FAT3: variants seen among roughly 807,000 people sequenced by gnomAD.
FAT3 encodes the protein FAT atypical cadherin 3.
Under a neutral mutation model 310.2 loss-of-function variants are expected in FAT3, and 95 were observed. The observed-to-expected ratio is 0.31, with a 90% CI of 0.26 to 0.36. The LOEUF (loss-of-function observed/expected upper bound fraction) is 0.36, where lower values mean the gene tolerates loss of function less well. FAT3 is among the 10% of genes least tolerant of loss of function. The pLI is 1.00. For missense variants in FAT3, 5,408 were observed against 5,715.6 expected (o/e 0.95, Z 1.74); for synonymous variants, 2,314 against 2,192.9 (o/e 1.06, Z -1.54).
At chr11:92,820,690 C>A (rs542376195) in intron 13 of FAT3, among the ~76,000 whole-genome samples, 2 of 152,258 alleles carry the variant, frequency 1.3e-5, no homozygotes, top group Non-Finnish European at 2.9e-5. Flanking sequence ...TTGACTGCAA[C>A]CTCAAGAGAA....
chr11:92,738,783 A>T (rs1197210703), intron 4 of FAT3, among the ~76,000 whole-genome samples: 1 of 152,136 alleles, frequency 6.6e-6, no homozygotes, highest in Non-Finnish European at 1.5e-5. Context: ...GTCACCTATA[A>T]GCTGAGTGAC....
intron 3 of FAT3, among the ~76,000 whole-genome samples, chr11:92,543,079 A>G (rs1201386459): frequency 6.6e-6 from 1 of 152,172 alleles, no homozygotes; most frequent in Non-Finnish European, 1.5e-5. Context: ...CAGGAACAGA[A>G]AGACAAATAC....
intron 1 of FAT3, among the ~76,000 whole-genome samples, chr11:92,341,267 T>A (rs1311829766): frequency 2.0e-5 from 3 of 152,198 alleles, no homozygotes; most frequent in Non-Finnish European, 4.4e-5. Context: ...TGACTCAGGA[T>A]TCTGCAGCCT....
chr11:92,855,333 A>G (rs1948943914), intron 19 of FAT3, among the ~76,000 whole-genome samples: 2 of 152,184 alleles, frequency 1.3e-5, no homozygotes, highest in South Asian at 4.1e-4. Context: ...TTCCTTTGGG[A>G]AGACTTCTGA....
chr11:92,882,593 C>CCCA (rs1555169712), intron 23 of FAT3, 145 bp from the exon 24 acceptor site: 14 of 572,436 alleles, frequency 2.4e-5, no homozygotes, highest in African/African-American at 1.7e-4. Flanking sequence ...CCTCCCCCCC[C>CCCA]CCACCAACCA....
chr11:92,504,888 G>A (rs1201942392), intron 2 of FAT3, among the ~76,000 whole-genome samples: 3 of 151,998 alleles, frequency 2.0e-5, no homozygotes, highest in African/African-American at 7.2e-5. Context: ...CCAAAATAAG[G>A]GTAGGTTATA....
intron 3 of FAT3, among the ~76,000 whole-genome samples, chr11:92,530,662 G>C (rs1436921058): frequency 6.6e-6 from 1 of 151,978 alleles, no homozygotes; most frequent in African/African-American, 2.4e-5. Flanking sequence ...AGCAGAATTT[G>C]TTATTAAGTG....
chr11:92,296,538 T>G lies in FAT3; in HGVS notation c.-17-55558T>G, dbSNP rs187359275. Among the ~76,000 whole-genome samples, 13 of 152,212 alleles carry G rather than the reference T, an allele frequency of 8.5e-5. No homozygotes were observed. The East Asian group carries it at 2.3e-3, about 27-fold the overall frequency. On this transcript the variant is annotated intron_variant, in intron 1 of 27. Coordinates refer to ENST00000525166, the MANE Select transcript of FAT3 (RefSeq NM_001367949.2). Reference sequence around the variant, plus strand: ...ACTGCTGGTCATCCATCTGCTGACCTAGGAGTAGGAAGCAAGTTCAGGAAG... The same window carrying G: ...ACTGCTGGTCATCCATCTGCTGACCGAGGAGTAGGAAGCAAGTTCAGGAAG...
Position 92,801,294 on chromosome 11 carries a change from G to A in FAT3, c.8281G>A (p.Glu2761Lys). 6.2e-7 allele frequency: 1 copy of A among 1,613,938 alleles called. No homozygotes were observed. The highest frequency in any genetic ancestry group is 2.2e-5 in the East Asian group (1 of 44,844). The change falls in exon 10 of 28, where the codon GAA becomes AAA. Residue 2761 changes from glutamate (E) to lysine (K), a missense_variant. Physicochemically the swap from Glu to Lys is moderately conservative, Grantham distance 56. This residue lies in a region of FAT3 where 4,588 missense variants were observed against 4,809.8 expected (regional missense o/e 0.95). Coordinates refer to ENST00000525166, the MANE Select transcript of FAT3 (RefSeq NM_001367949.2). ...NKGGIFVIEQETGTIKLDKRL... is the reference protein window; with the variant it reads ...NKGGIFVIEQKTGTIKLDKRL... ...AGGGGGCATATTCGTCATAGAACAGGAAACAGGCACTATTAAGCTTGACAA... is the reference window on the plus strand; with the variant it reads ...AGGGGGCATATTCGTCATAGAACAGAAAACAGGCACTATTAAGCTTGACAA...
At chr11:92,545,574 A>G (rs1402802167) in intron 3 of FAT3, among the ~76,000 whole-genome samples, 4 of 152,236 alleles carry the variant, frequency 2.6e-5, no homozygotes, top group Non-Finnish European at 2.9e-5. Context: ...ATGTATAGTC[A>G]GTCTACAGGC....
intron 1 of FAT3, among the ~76,000 whole-genome samples, chr11:92,315,278 A>G (rs1197983863): frequency 6.7e-6 from 1 of 150,004 alleles, no homozygotes. Flanking sequence ...AATTATTCAT[A>G]CTCACTCTAT....
At chr11:92,537,037 A>G (rs968782789) in intron 3 of FAT3, among the ~76,000 whole-genome samples, 1 of 152,156 alleles carries the variant, frequency 6.6e-6, no homozygotes, top group Non-Finnish European at 1.5e-5. Context: ...CAATAAAACC[A>G]TCAATACCTG....
rs191152464 is a variant in FAT3, at chr11:92,344,434, G to A, written c.-17-7662G>A. ...TTTTGTTATCAGATCACCAATCCTG[G>A]TATTGCAGTATTTGTGTTCAAGTCA... On this transcript the variant is annotated intron_variant, in intron 1 of 27. Transcript: ENST00000525166. 2.4e-3 allele frequency among the ~76,000 whole-genome samples: 360 copies of A among 152,224 alleles called. 1 individual carries two copies. Among genetic ancestry groups the A allele is most frequent in the Non-Finnish European group, 4.3e-3 (292 of 67,998 alleles).
chr11:92,524,910 G>T lies in FAT3; in HGVS notation c.3569G>T (p.Gly1190Val). 1 of 1,613,700 alleles carries T rather than the reference G, an allele frequency of 6.2e-7. No individual in the cohort carries two copies. The highest frequency in any genetic ancestry group is 1.7e-4 in the Middle Eastern group (1 of 6,060). ...NEKLTYRITS[G>V]NPQNFFAINI... ...AAACTGACATACAGGATTACAAGTG[G>T]AAATCCTCAGAATTTTTTTGCCATC... Residue 1190 changes from glycine to valine, a missense_variant, in exon 3 of 28, where the codon GGA becomes GTA. Physicochemically the swap from Gly to Val is moderately radical, Grantham distance 109. This residue lies in a region of FAT3 where 4,588 missense variants were observed against 4,809.8 expected (regional missense o/e 0.95). Coordinates refer to ENST00000525166, the MANE Select transcript of FAT3 (RefSeq NM_001367949.2).
rs545808159 is a variant in FAT3 at position 92,409,245 on chromosome 11, G to A, written c.3292+53841G>A. Among the ~76,000 whole-genome samples, 6 of 147,276 alleles carry A rather than the reference G, an allele frequency of 4.1e-5. No homozygotes were observed. In the South Asian group the frequency reaches 1.3e-3, roughly 32 times the overall value. On this transcript the variant is annotated intron_variant, in intron 2 of 27. Transcript: ENST00000525166. ...GTTAACCTGAATCAATGAAGCTTTC[G>A]TGTGTGTGTGTGTGTCGTGTGTGTG...
At chr11:92,485,093 A>G (rs139806681) in intron 2 of FAT3, among the ~76,000 whole-genome samples, 182 of 152,376 alleles carry the variant, frequency 1.2e-3, no homozygotes, top group African/African-American at 4.3e-3. Flanking sequence ...GGTCATTTTA[A>G]ATATTTTGTT....
At chr11:92,786,046 A>G (rs1448822276) in intron 7 of FAT3, among the ~76,000 whole-genome samples, 1 of 152,230 alleles carries the variant, frequency 6.6e-6, no homozygotes, top group African/African-American at 2.4e-5. Context: ...ATAGAGTACA[A>G]TAAAGGTGGC....
chr11:92,808,910 A>G (rs183078552), intron 12 of FAT3, among the ~76,000 whole-genome samples: 170 of 152,276 alleles, frequency 1.1e-3, no homozygotes, highest in African/African-American at 3.8e-3. Flanking sequence ...TGGGCGACAG[A>G]GCAAGACTCA....
At chr11:92,706,857 A>G (rs148679182) in intron 4 of FAT3, among the ~76,000 whole-genome samples, 5 of 152,336 alleles carry the variant, frequency 3.3e-5, no homozygotes, top group Middle Eastern at 3.4e-3. Context: ...ATTGGAAATT[A>G]CCACATATGA....
Sources: allele counts gnomAD v4.1 joint callset (sites outside exome capture counted in the v4.1 genomes callset), GRCh38; gene constraint gnomAD v4.1.1; regional missense constraint gnomAD v4.1.1; transcripts MANE v1.5; gene names NCBI Gene and HGNC (gene_info 2026-07-23, HGNC 2026-07-21).